The following ASIC2 variants were observed in gnomAD, a reference collection of about 807,000 sequenced individuals.
The protein encoded by ASIC2 is acid-sensing ion channel 2.
In ASIC2, 25 loss-of-function variants were observed where a neutral mutation model predicts 57.3. The ratio of observed to expected loss-of-function variants is 0.44; its 90% CI spans 0.32 to 0.61. ASIC2 has a LOEUF of 0.61. Among genes scored for constraint, ASIC2 ranks in the 20% least tolerant of loss-of-function variants. The probability of loss-of-function intolerance (pLI) is 0.06; values close to 1 mark genes in which losing one functional copy is unlikely to be tolerated. For missense variants in ASIC2, 641 were observed against 738.1 expected (o/e 0.87, Z 1.52); for synonymous variants, 319 against 307.5 (o/e 1.04, Z -0.39).
intron 1 of ASIC2, among the ~76,000 whole-genome samples, chr17:34,115,361 A>G (rs948325098): frequency 6.6e-6 from 1 of 152,210 alleles, no homozygotes; most frequent in African/African-American, 2.4e-5. Context: ...TCATCCGTTC[A>G]GTACTAGAAT....
At chr17:33,922,523 C>T (rs1300945128) in intron 1 of ASIC2, among the ~76,000 whole-genome samples, 2 of 152,156 alleles carry the variant, frequency 1.3e-5, no homozygotes, top group South Asian at 2.1e-4. Context: ...TCTCAAGGAG[C>T]GAACGTTCTA....
At chr17:33,106,980 G>A (rs556675239) in intron 2 of ASIC2, among the ~76,000 whole-genome samples, 2 of 152,318 alleles carry the variant, frequency 1.3e-5, no homozygotes, top group South Asian at 4.1e-4. Context: ...TCCTGAGGCT[G>A]TATCCCTGCC....
intron 1 of ASIC2, among the ~76,000 whole-genome samples, chr17:33,409,501 G>A (rs1238512251): frequency 6.6e-6 from 1 of 152,224 alleles, no homozygotes; most frequent in Non-Finnish European, 1.5e-5. Context: ...CAGAACTGGA[G>A]AGAATGATAG....
intron 1 of ASIC2, among the ~76,000 whole-genome samples, chr17:34,108,187 C>T (rs1457841779): frequency 6.6e-6 from 1 of 152,028 alleles, no homozygotes; most frequent in African/African-American, 2.4e-5. Flanking sequence ...AGTGACTGTG[C>T]CATAGTTTAT....
intron 1 of ASIC2, among the ~76,000 whole-genome samples, chr17:34,120,927 A>G (rs754070908): frequency 3.3e-5 from 5 of 151,496 alleles, no homozygotes; most frequent in Non-Finnish European, 7.4e-5. Context: ...TTTAGCAGAG[A>G]CAGGGTTTTA....
intron 3 of ASIC2, among the ~76,000 whole-genome samples, chr17:33,032,563 C>T (rs767639527): frequency 1.3e-5 from 2 of 150,822 alleles, no homozygotes; most frequent in African/African-American, 4.9e-5. Flanking sequence ...ATTCTCCAGC[C>T]TCAGCCTCCT....
At chr17:33,817,561 T>C (rs903625209) in intron 1 of ASIC2, among the ~76,000 whole-genome samples, 10 of 152,188 alleles carry the variant, frequency 6.6e-5, no homozygotes, top group Non-Finnish European at 1.5e-4. Flanking sequence ...AGGCAGAGAA[T>C]CTTTGGTGCA....
At chr17:33,393,474 A>T (rs1186026097) in intron 1 of ASIC2, among the ~76,000 whole-genome samples, 1 of 152,080 alleles carries the variant, frequency 6.6e-6, no homozygotes, top group Non-Finnish European at 1.5e-5. Flanking sequence ...TAACCACCTG[A>T]GCCATAGCAA....
At chr17:33,470,160 T>G (rs1366601220) in intron 1 of ASIC2, among the ~76,000 whole-genome samples, 1 of 152,176 alleles carries the variant, frequency 6.6e-6, no homozygotes, top group East Asian at 1.9e-4. Context: ...CTAGGCCATG[T>G]AGGAGAGTTG....
chr17:33,799,847 G>A (rs946175700), intron 1 of ASIC2, among the ~76,000 whole-genome samples: 4 of 152,140 alleles, frequency 2.6e-5, no homozygotes, highest in Non-Finnish European at 5.9e-5. Flanking sequence ...CCCTAAGGTT[G>A]GGCAGTATAC....
At chr17:34,133,950 C>T (rs1034760158) in intron 1 of ASIC2, among the ~76,000 whole-genome samples, 1 of 152,072 alleles carries the variant, frequency 6.6e-6, no homozygotes, top group African/African-American at 2.4e-5. Flanking sequence ...TGTCCAGCCC[C>T]CATCACAAAG....
chr17:33,355,378 G>A (rs777730691), intron 1 of ASIC2, among the ~76,000 whole-genome samples: 5 of 152,138 alleles, frequency 3.3e-5, no homozygotes, highest in Non-Finnish European at 7.3e-5. Flanking sequence ...GTGAGAATGT[G>A]AGAAACAGAT....
intron 1 of ASIC2, among the ~76,000 whole-genome samples, chr17:33,119,646 C>T (rs1055693345): frequency 6.6e-6 from 1 of 152,212 alleles, no homozygotes; most frequent in Non-Finnish European, 1.5e-5. Context: ...GCTCATTCAC[C>T]TGTTCCTGAA....
chr17:33,881,883 C>A lies in ASIC2; in HGVS notation c.555+274095G>T, dbSNP rs561382351. Among the ~76,000 whole-genome samples, 23 of 152,228 alleles carry A rather than the reference C, an allele frequency of 1.5e-4. No individual in the cohort carries two copies. In the South Asian group the frequency reaches 4.8e-3, roughly 32 times the overall value. ...TATACTGCAAGGCTACAGTAACCAA[C>A]ACAGCAAGGTACTGGTACCAAAACA... is the stretch of plus-strand genomic sequence containing the variant. On this transcript the variant is annotated intron_variant, in intron 1 of 9. Transcript: ENST00000359872.
At chr17:33,022,849 G>A (rs1314934897) in intron 6 of ASIC2, among the ~76,000 whole-genome samples, 1 of 152,180 alleles carries the variant, frequency 6.6e-6, no homozygotes, top group East Asian at 1.9e-4. Context: ...TGTTATAAAG[G>A]AAAACACCAG....
intron 1 of ASIC2, among the ~76,000 whole-genome samples, chr17:33,602,538 A>G (rs1597803902): frequency 1.3e-5 from 2 of 152,194 alleles, no homozygotes; most frequent in African/African-American, 4.8e-5. Context: ...CCATCAGCCA[A>G]TAAAGTTTCT....
chr17:33,620,113 C>G (rs188863470), intron 1 of ASIC2, among the ~76,000 whole-genome samples: 4 of 151,820 alleles, frequency 2.6e-5, no homozygotes, highest in Admixed American at 2.6e-4. Flanking sequence ...AAGTACCTGT[C>G]GAATTTTGAA....
At chr17:33,596,871 C>T (rs558098113) in intron 1 of ASIC2, among the ~76,000 whole-genome samples, 8 of 152,286 alleles carry the variant, frequency 5.3e-5, no homozygotes, top group East Asian at 3.9e-4. Context: ...ACATAGACTC[C>T]GTTTGACAGA....
At chr17:33,444,724 G>A (rs1467907244) in intron 1 of ASIC2, among the ~76,000 whole-genome samples, 2 of 152,130 alleles carry the variant, frequency 1.3e-5, no homozygotes, top group African/African-American at 4.8e-5. Flanking sequence ...ACTGGATACA[G>A]CCTTCATGTC....
Sources: gnomAD v4.1 joint callset for allele counts (sites outside exome capture counted in the v4.1 genomes callset) on GRCh38, gnomAD v4.1.1 for gene constraint, MANE v1.5 for transcripts, NCBI Gene and HGNC (gene_info 2026-07-23, HGNC 2026-07-21) for gene names.